The following CLASP1 variants were observed in gnomAD, a reference collection of about 807,000 sequenced individuals.
CLASP1 encodes CLIP-associating protein 1.
Under a neutral mutation model 192.3 loss-of-function variants are expected in CLASP1, and 38 were observed. The observed-to-expected ratio is 0.20, with a 90% CI of 0.15 to 0.26. The LOEUF (loss-of-function observed/expected upper bound fraction) is 0.26, where lower values mean the gene tolerates loss of function less well. Among genes scored for constraint, CLASP1 ranks in the 10% least tolerant of loss-of-function variants. The probability of loss-of-function intolerance (pLI) is 1.00; values close to 1 mark genes in which losing one functional copy is unlikely to be tolerated. For missense variants in CLASP1, 1,433 were observed against 1,932.5 expected, an observed-to-expected ratio of 0.74 and a Z score of 4.85; for synonymous variants, 691 against 712.8, an observed-to-expected ratio of 0.97 and a Z score of 0.49.
In CLASP1 at chr2:121,609,866, G is replaced by A. The variant is rs566025970; in HGVS notation, c.-285-3686C>T. On this transcript the variant is annotated intron_variant, in intron 1 of 39. Coordinates refer to ENST00000263710, the Ensembl canonical transcript of CLASP1. Reference sequence around the variant, plus strand: ...TGAGGCAGGAGAATCGCTTGAAGCAGGGAGTCAGAGGTTGCAGTGAGCCGA... The same window carrying A: ...TGAGGCAGGAGAATCGCTTGAAGCAAGGAGTCAGAGGTTGCAGTGAGCCGA... Among the ~76,000 whole-genome samples, 8 of 152,298 alleles carry A rather than the reference G, an allele frequency of 5.3e-5. No individual in the cohort carries two copies. In the South Asian group the frequency reaches 1.7e-3, roughly 32 times the overall value.
At chr2:121,461,663 A>C (rs576523461) in intron 10 of CLASP1, among the ~76,000 whole-genome samples, 48 of 152,190 alleles carry the variant, frequency 3.2e-4, no homozygotes, top group Non-Finnish European at 5.4e-4. Context: ...CAAGTACTTA[A>C]GGATGAACCT....
intron 36 of CLASP1, among the ~76,000 whole-genome samples, chr2:121,363,508 G>C (rs2066801098): frequency 6.6e-6 from 1 of 152,176 alleles, no homozygotes; most frequent in Admixed American, 6.5e-5. Flanking sequence ...CAGGCACTGT[G>C]CCTTAGGGTG....
At chr2:121,469,467 T>C (rs1290609886) in intron 9 of CLASP1, among the ~76,000 whole-genome samples, 1 of 152,170 alleles carries the variant, frequency 6.6e-6, no homozygotes, top group Non-Finnish European at 1.5e-5. Flanking sequence ...ATGCCCCTAG[T>C]GGTTTCAGGC....
intron 19 of CLASP1, among the ~76,000 whole-genome samples, chr2:121,438,038 G>A (rs2082597575): frequency 6.6e-6 from 1 of 152,176 alleles, no homozygotes; most frequent in Non-Finnish European, 1.5e-5. Context: ...AAGTCCTTAA[G>A]GGTACATTCT....
At chr2:121,425,171 C>A (rs1232368297) in exon 22 of CLASP1, 1 of 1,612,152 alleles carries the variant, frequency 6.2e-7, no homozygotes, top group Admixed American at 1.7e-5. Flanking sequence ...TGTTTCCCGG[C>A]TACATCCCTG....
At position 121,530,898 on chromosome 2, in the gene CLASP1, G is replaced by A. The variant is rs563882222; in HGVS notation, c.196-573C>T. The stretch of plus-strand genomic sequence containing the variant: ...CTATTATAACCATCCTTTTCTTGGG[G>A]TTGCGCTACTGTCCAATGAGCGCAT... On this transcript the variant is annotated intron_variant, in intron 2 of 39. Coordinates refer to ENST00000263710, the Ensembl canonical transcript of CLASP1. 2.2e-4 allele frequency: 154 copies of A among 695,256 alleles called. No individual in the cohort carries two copies. Among genetic ancestry groups the A allele is most frequent in the South Asian group, 5.2e-4 (35 of 67,352 alleles). The allele number at this position is 695,256 out of a possible 1,614,324, so 43.1% of individuals were successfully genotyped here.
chr2:121,338,850 G>A (rs1045678068), exon 40 of CLASP1: 4 of 152,332 alleles, frequency 2.6e-5, no homozygotes, highest in African/African-American at 9.7e-5. Context: ...ACTGCATTAG[G>A]AATAAAGAAA....
At chr2:121,523,151 G>A (rs1389492533) in intron 6 of CLASP1, among the ~76,000 whole-genome samples, 2 of 152,188 alleles carry the variant, frequency 1.3e-5, no homozygotes, top group African/African-American at 2.4e-5. Context: ...TGCCTTTAAC[G>A]TAGGTGTCTT....
At position 121,448,234 on chromosome 2, in the gene CLASP1, C is replaced by T. The variant is rs140666351; in HGVS notation, c.1741+42G>A. Reference sequence around the variant, plus strand: ...CTCTTGCAGCTGCACGTACAGCCCACCAGAGCGGAGAACAGGCCTTCTCCA... The same window carrying T: ...CTCTTGCAGCTGCACGTACAGCCCATCAGAGCGGAGAACAGGCCTTCTCCA... On this transcript the variant is annotated intron_variant, in intron 18 of 39. Coordinates refer to ENST00000263710, the Ensembl canonical transcript of CLASP1. 3.6e-4 allele frequency: 566 copies of T among 1,573,866 alleles called. 2 individuals carry two copies. In the African/African-American group the frequency reaches 6.8e-3, roughly 19 times the overall value.
At chr2:121,578,450 CCAGGTG>C (rs2060774887) in intron 2 of CLASP1, among the ~76,000 whole-genome samples, 2 of 144,514 alleles carry the variant, frequency 1.4e-5, no homozygotes, top group African/African-American at 5.2e-5. Flanking sequence ...AAAAAAAGGG[CCAGGTG>C]CAGTGGCTCA....
At chr2:121,368,400 C>CA (rs1459386715) in intron 34 of CLASP1, among the ~76,000 whole-genome samples, 3 of 152,182 alleles carry the variant, frequency 2.0e-5, no homozygotes, top group Non-Finnish European at 4.4e-5. Context: ...ATTTCTGACT[C>CA]AGAGTTGTTA....
intron 17 of CLASP1, 34 bp from the exon 18 acceptor site, chr2:121,448,359 T>A (rs748811494): frequency 2.1e-6 from 3 of 1,457,650 alleles, no homozygotes; most frequent in South Asian, 2.3e-5. Flanking sequence ...TTATTACATG[T>A]ACTGTACCTG....
intron 21 of CLASP1, 88 bp downstream of exon 21, chr2:121,427,316 A>T (rs1161443190): frequency 7.0e-7 from 1 of 1,428,396 alleles, no homozygotes; most frequent in Non-Finnish European, 9.6e-7. Flanking sequence ...CAATAAAGAG[A>T]GAAATTAATA....
At chr2:121,403,471 C>T (rs904470291) in intron 26 of CLASP1, 1 of 456,668 alleles carries the variant, frequency 2.2e-6, no homozygotes, top group Non-Finnish European at 4.4e-6. Flanking sequence ...GGCTCTCTGG[C>T]CATCACAGGT....
intron 2 of CLASP1, among the ~76,000 whole-genome samples, chr2:121,596,337 T>C (rs561710506): frequency 5.9e-5 from 9 of 152,226 alleles, no homozygotes; most frequent in African/African-American, 2.2e-4. Context: ...TGGAAAAAAA[T>C]GGACAGTCTC....
chr2:121,567,700 C>T (rs762141348), intron 2 of CLASP1, among the ~76,000 whole-genome samples: 12 of 152,224 alleles, frequency 7.9e-5, no homozygotes, highest in Non-Finnish European at 1.5e-4. Context: ...CACACAAACA[C>T]AAAATGTGTG....
exon 2 of CLASP1, chr2:121,606,176 C>A: frequency 2.2e-6 from 1 of 464,584 alleles, no homozygotes; most frequent in Non-Finnish European, 3.8e-6. Flanking sequence ...ATTCAGCAGT[C>A]CATTCTGAAA....
intron 2 of CLASP1, among the ~76,000 whole-genome samples, chr2:121,536,026 T>C (rs1463185844): frequency 6.6e-6 from 1 of 151,972 alleles, no homozygotes; most frequent in Admixed American, 6.6e-5. Context: ...GGAACTCTTG[T>C]ATACTGCTGG....
chr2:121,550,453 C>T (rs183385119), intron 2 of CLASP1, among the ~76,000 whole-genome samples: 91 of 151,268 alleles, frequency 6.0e-4, no homozygotes, highest in African/African-American at 1.6e-3. Flanking sequence ...TCGACAAATC[C>T]GGGAGGTTTT....
Sources: allele counts gnomAD v4.1 joint callset (sites outside exome capture counted in the v4.1 genomes callset), GRCh38; gene constraint gnomAD v4.1.1; transcripts MANE v1.5; gene names NCBI Gene and HGNC (gene_info 2026-07-23, HGNC 2026-07-21).